The following ROS1 variants were observed in gnomAD, a reference collection of about 807,000 sequenced individuals.
ROS1 encodes the protein proto-oncogene tyrosine-protein kinase ROS.
In ROS1, 263 loss-of-function variants were observed where a neutral mutation model predicts 273.5. The ratio of observed to expected loss-of-function variants is 0.96; its 90% CI spans 0.87 to 1.06. The LOEUF (loss-of-function observed/expected upper bound fraction) is 1.06, where lower values mean the gene tolerates loss of function less well. Ranked by LOEUF, ROS1 falls within the 50% of genes least tolerant of loss-of-function variation. The pLI is 0.00. For synonymous variants in ROS1, 1,008 were observed against 954.1 expected (o/e 1.06, Z -1.04); for missense variants, 2,833 against 2,751.1 (o/e 1.03, Z -0.67).
chr6:117,387,742 T>C (rs756681555), intron 14 of ROS1, 38 bp downstream of exon 14: 5 of 1,586,374 alleles, frequency 3.2e-6, no homozygotes, highest in Non-Finnish European at 4.3e-6. Context: ...GTCCTCTTTT[T>C]GTGAGAGTCA....
At chr6:117,355,501 C>T (rs747145216) in intron 26 of ROS1, among the ~76,000 whole-genome samples, 12 of 152,122 alleles carry the variant, frequency 7.9e-5, no homozygotes, top group African/African-American at 1.9e-4. Context: ...ATGATGAAAA[C>T]GTTTTATACC....
chr6:117,372,220 C>T (rs1780852005), intron 18 of ROS1, among the ~76,000 whole-genome samples: 1 of 152,072 alleles, frequency 6.6e-6, no homozygotes, highest in Non-Finnish European at 1.5e-5. Flanking sequence ...CAGTCCTGTT[C>T]AACATAGTAC....
intron 15 of ROS1, among the ~76,000 whole-genome samples, chr6:117,386,350 AC>A (rs1170520952): frequency 6.6e-6 from 1 of 152,224 alleles, no homozygotes; most frequent in African/African-American, 2.4e-5. Flanking sequence ...AAATCAATAA[AC>A]AATTAGATAA....
intron 39 of ROS1, among the ~76,000 whole-genome samples, chr6:117,311,494 T>C (rs1775544912): frequency 6.6e-6 from 1 of 152,138 alleles, no homozygotes; most frequent in Admixed American, 6.5e-5. Flanking sequence ...AAATGGGCAA[T>C]AATACTGACC....
At chr6:117,413,141 T>C (rs1208805203) in intron 4 of ROS1, among the ~76,000 whole-genome samples, 1 of 152,240 alleles carries the variant, frequency 6.6e-6, no homozygotes, top group East Asian at 1.9e-4. Flanking sequence ...TTTTTGTTTG[T>C]ATTTTTGCTC....
intron 39 of ROS1, among the ~76,000 whole-genome samples, chr6:117,312,050 C>A (rs909508130): frequency 6.6e-6 from 1 of 152,092 alleles, no homozygotes; most frequent in Non-Finnish European, 1.5e-5. Context: ...CACAGCACCC[C>A]CAGGCTGCAC....
Position 117,401,802 on chromosome 6 carries a change from G to GCA in ROS1, c.604+1336_604+1337insTG, listed in dbSNP as rs1773956272. Among the ~76,000 whole-genome samples the GCA allele has an allele frequency of 1.3e-4, 4 of 31,392 alleles. No homozygotes were observed. In the East Asian group the frequency reaches 3.7e-3, roughly 29 times the overall value. The allele number at this position is 31,392 out of a possible 152,430, so 20.6% of individuals were successfully genotyped here. A position where few individuals can be genotyped will look rare whatever the true frequency, so the allele number is the denominator to read the frequency against. On this transcript the variant is annotated intron_variant, in intron 7 of 43. Transcript: ENST00000368507. ...AATACAAAAAATAACAAACTTTTCA[G>GCA]TAAAAAAAAAAAAAAAAAAAAACAG...
chr6:117,351,470 G>A (rs1052422408), intron 27 of ROS1, among the ~76,000 whole-genome samples: 3 of 152,092 alleles, frequency 2.0e-5, no homozygotes, highest in South Asian at 2.1e-4. Flanking sequence ...ACCAGTTAAA[G>A]CTCCTGGAGG....
intron 2 of ROS1, among the ~76,000 whole-genome samples, chr6:117,416,526 ACT>A (rs1775348721): frequency 6.6e-6 from 1 of 152,198 alleles, no homozygotes; most frequent in East Asian, 1.9e-4. Flanking sequence ...CTTGTGGCTC[ACT>A]GCAGGGCAGC....
At chr6:117,374,366 A>G (rs553733185) in intron 18 of ROS1, among the ~76,000 whole-genome samples, 1 of 152,326 alleles carries the variant, frequency 6.6e-6, no homozygotes, top group East Asian at 1.9e-4. Flanking sequence ...AACAAAAACT[A>G]AAGTAGGGAA....
At chr6:117,299,940 T>G (rs200047063) in intron 43 of ROS1, among the ~76,000 whole-genome samples, 3 of 120,516 alleles carry the variant, frequency 2.5e-5, no homozygotes, top group Non-Finnish European at 5.3e-5. Flanking sequence ...TTTTTTTTTT[T>G]GAGATGGAGT....
chr6:117,351,070 G>A (rs976866047), intron 27 of ROS1, among the ~76,000 whole-genome samples: 1 of 152,154 alleles, frequency 6.6e-6, no homozygotes, highest in Non-Finnish European at 1.5e-5. Context: ...AGCTGAATAT[G>A]CTGTACTGGG....
At chr6:117,380,126 G>C (rs1307259367) in intron 17 of ROS1, among the ~76,000 whole-genome samples, 5 of 152,008 alleles carry the variant, frequency 3.3e-5, no homozygotes, top group Non-Finnish European at 5.9e-5. Context: ...GCCTGATTTC[G>C]GAGCAGTGCA....
chr6:117,311,923 C>T (rs573665137), intron 39 of ROS1, among the ~76,000 whole-genome samples: 1 of 152,060 alleles, frequency 6.6e-6, no homozygotes, highest in Non-Finnish European at 1.5e-5. Flanking sequence ...TTTGTCATCC[C>T]TAATTTGATG....
intron 43 of ROS1, among the ~76,000 whole-genome samples, chr6:117,291,596 A>T (rs1414966959): frequency 6.6e-6 from 1 of 152,200 alleles, no homozygotes; most frequent in Non-Finnish European, 1.5e-5. Context: ...CAGCAGTATG[A>T]TTATGAGCAA....
intron 17 of ROS1, among the ~76,000 whole-genome samples, chr6:117,379,766 G>A (rs529286107): frequency 6.6e-6 from 1 of 152,122 alleles, no homozygotes; most frequent in East Asian, 1.9e-4. Flanking sequence ...GCCACCAATG[G>A]TTTAAACCAT....
At chr6:117,310,413 C>T (rs1258864183) in intron 40 of ROS1, 132 bp from the exon 41 acceptor site, 1 of 619,694 alleles carries the variant, frequency 1.6e-6, no homozygotes, top group Non-Finnish European at 2.6e-6. Flanking sequence ...TTCTGGATTA[C>T]ATGTGCTGAA....
chr6:117,295,775 C>G (rs567345816), intron 43 of ROS1, among the ~76,000 whole-genome samples: 3 of 152,128 alleles, frequency 2.0e-5, no homozygotes, highest in Non-Finnish European at 4.4e-5. Context: ...AAATGCAAAC[C>G]AAAACTACAT....
intron 3 of ROS1, 135 bp downstream of exon 3, chr6:117,416,123 T>TA: frequency 1.6e-6 from 1 of 638,628 alleles, no homozygotes; most frequent in Non-Finnish European, 2.8e-6. Flanking sequence ...ATTGGTTTTT[T>TA]AGTTTTGTTT....
Sources: gnomAD v4.1 joint callset for allele counts (sites outside exome capture counted in the v4.1 genomes callset) on GRCh38, gnomAD v4.1.1 for gene constraint, MANE v1.5 for transcripts, NCBI Gene and HGNC (gene_info 2026-07-23, HGNC 2026-07-21) for gene names.